Variants in ZFPM2 observed in about 807,000 individuals in gnomAD.
ZFPM2 encodes zinc finger protein, FOG family member 2.
In ZFPM2, 20 loss-of-function variants were observed where a neutral mutation model predicts 98.6. That is an observed-to-expected ratio of 0.20 (90% CI 0.14 to 0.29). The LOEUF (loss-of-function observed/expected upper bound fraction) is 0.29. ZFPM2 is among the 10% of genes least tolerant of loss of function. The pLI, the probability that ZFPM2 is intolerant of heterozygous loss-of-function variation, is 1.00. For synonymous variants in ZFPM2, 518 were observed against 502.7 expected, an observed-to-expected ratio of 1.03 and a Z score of -0.41; for missense variants, 1,310 against 1,388.6, an observed-to-expected ratio of 0.94 and a Z score of 0.90.
chr8:105,766,575 C>T (rs79990750), intron 5 of ZFPM2, among the ~76,000 whole-genome samples: 11 of 151,770 alleles, frequency 7.2e-5, no homozygotes, highest in African/African-American at 2.4e-4. Flanking sequence ...TGATGGGGTC[C>T]GAACTTAAGG....
chr8:105,802,579 A>G lies in ZFPM2; in HGVS notation c.2497A>G (p.Ser833Gly). Residue 833 changes from serine (S) to glycine (G), a missense_variant, in exon 8 of 8, where the codon AGC becomes GGC. By Grantham distance (56) the Ser-to-Gly change is moderately conservative. Coordinates refer to ENST00000407775, the MANE Select transcript of ZFPM2 (RefSeq NM_012082.4). ...AGAGATGGACGTGCCCATAGATCTCAGCAAAAAGTGTTTATCTCAGTCTGA... is the reference window on the plus strand; with the variant it reads ...AGAGATGGACGTGCCCATAGATCTCGGCAAAAAGTGTTTATCTCAGTCTGA... ...CLEMDVPIDLSKKCLSQSERT... is the reference protein window; with the variant it reads ...CLEMDVPIDLGKKCLSQSERT... 6.2e-7 allele frequency: 1 copy of G among 1,610,888 alleles called. No individual in the cohort carries two copies.
At chr8:105,445,955 CTG>C (rs1586378607) in intron 3 of ZFPM2, among the ~76,000 whole-genome samples, 1 of 151,518 alleles carries the variant, frequency 6.6e-6, no homozygotes, top group Non-Finnish European at 1.5e-5. Flanking sequence ...GAGTCTCACT[CTG>C]TCACCCAGGC....
intron 5 of ZFPM2, among the ~76,000 whole-genome samples, chr8:105,770,830 G>T (rs1812963194): frequency 6.6e-6 from 1 of 152,150 alleles, no homozygotes; most frequent in African/African-American, 2.4e-5. Flanking sequence ...TCACAGAGAG[G>T]AAGGTGCAGC....
intron 3 of ZFPM2, among the ~76,000 whole-genome samples, chr8:105,560,885 A>T (rs1815120291): frequency 6.6e-6 from 1 of 152,186 alleles, no homozygotes; most frequent in Non-Finnish European, 1.5e-5. Context: ...GCCTTGCTAT[A>T]TATTGTACAT....
Position 105,647,949 on chromosome 8 carries a change from C to T in ZFPM2, c.532+13592C>T, listed in dbSNP as rs185651665. 4.8e-3 allele frequency among the ~76,000 whole-genome samples: 727 copies of T among 152,254 alleles called. 5 individuals are homozygous for T. The highest frequency in any genetic ancestry group is 0.017 in the African/African-American group (699 of 41,550). ...CTAGTTCTAGATCCTTGAGGAATCA[C>T]CACACTGTCTTTCACAATGGTTGAA... On this transcript the variant is annotated intron_variant, in intron 5 of 7. Coordinates refer to ENST00000407775, the MANE Select transcript of ZFPM2 (RefSeq NM_012082.4).
intron 3 of ZFPM2, among the ~76,000 whole-genome samples, chr8:105,518,911 A>C (rs1343584439): frequency 6.6e-6 from 1 of 152,212 alleles, no homozygotes; most frequent in Non-Finnish European, 1.5e-5. Context: ...ACTAAGGAAA[A>C]AATAGTAAAT....
intron 3 of ZFPM2, among the ~76,000 whole-genome samples, chr8:105,477,084 C>T (rs1231187026): frequency 1.3e-5 from 2 of 152,064 alleles, no homozygotes; most frequent in Non-Finnish European, 2.9e-5. Flanking sequence ...AACTTAGTAA[C>T]ATAGTATTAA....
intron 5 of ZFPM2, among the ~76,000 whole-genome samples, chr8:105,694,333 G>C (rs1446041625): frequency 6.6e-6 from 1 of 151,942 alleles, no homozygotes; most frequent in Non-Finnish European, 1.5e-5. Context: ...GACTCAAATA[G>C]AGTTTTCTGT....
chr8:105,719,320 T>C (rs1315595839), intron 5 of ZFPM2, among the ~76,000 whole-genome samples: 1 of 151,934 alleles, frequency 6.6e-6, no homozygotes, highest in African/African-American at 2.4e-5. Context: ...TTTTCACTCC[T>C]CTTGTAAGTG....
intron 3 of ZFPM2, among the ~76,000 whole-genome samples, chr8:105,482,894 CTTCCTTCT>C (rs1245804957): frequency 1.1e-5 from 1 of 92,444 alleles, no homozygotes; most frequent in Admixed American, 1.3e-4. Flanking sequence ...TCCTTCCTTC[CTTCCTTCT>C]TTCCTTCCTT....
intron 6 of ZFPM2, among the ~76,000 whole-genome samples, chr8:105,792,973 G>C (rs1387669781): frequency 6.6e-6 from 1 of 152,110 alleles, no homozygotes; most frequent in East Asian, 1.9e-4. Context: ...TTGAGCCTGT[G>C]TGTGTCTCTG....
intron 3 of ZFPM2, among the ~76,000 whole-genome samples, chr8:105,543,392 G>A (rs999220961): frequency 6.6e-6 from 1 of 152,134 alleles, no homozygotes; most frequent in Non-Finnish European, 1.5e-5. Context: ...AGGCTGAGGC[G>A]GGAGGATCAC....
chr8:105,692,689 A>G (rs1554573429), intron 5 of ZFPM2, among the ~76,000 whole-genome samples: 1 of 152,220 alleles, frequency 6.6e-6, no homozygotes, highest in Non-Finnish European at 1.5e-5. Flanking sequence ...CCAGATAGGT[A>G]CCATGCTCAT....
intron 3 of ZFPM2, among the ~76,000 whole-genome samples, chr8:105,461,152 A>G (rs1812697805): frequency 1.3e-5 from 2 of 152,160 alleles, no homozygotes; most frequent in South Asian, 4.1e-4. Context: ...TTTCATGTCA[A>G]TAATTCATGA....
At chr8:105,465,279 T>C (rs935048620) in intron 3 of ZFPM2, among the ~76,000 whole-genome samples, 1 of 152,030 alleles carries the variant, frequency 6.6e-6, no homozygotes, top group African/African-American at 2.4e-5. Context: ...AAATACAGAA[T>C]TATAAAACAA....
intron 5 of ZFPM2, among the ~76,000 whole-genome samples, chr8:105,726,108 G>T (rs547746776): frequency 6.6e-6 from 1 of 151,720 alleles, no homozygotes; most frequent in Non-Finnish European, 1.5e-5. Context: ...TATGATTTCA[G>T]TGGCCTTTCA....
At chr8:105,681,704 C>G (rs1240383806) in intron 5 of ZFPM2, among the ~76,000 whole-genome samples, 2 of 152,092 alleles carry the variant, frequency 1.3e-5, no homozygotes, top group African/African-American at 4.8e-5. Context: ...CCTCTCTGGT[C>G]CCTTCCTTTT....
At chr8:105,393,337 C>CTTTCCTTCTTT (rs1554600680) in intron 1 of ZFPM2, among the ~76,000 whole-genome samples, 1 of 114,776 alleles carries the variant, frequency 8.7e-6, no homozygotes, top group South Asian at 3.3e-4. Context: ...TCTCTCTTTG[C>CTTTCCTTCTTT]CTTTCTTTCT....
At chr8:105,400,718 C>G (rs1811323246) in intron 1 of ZFPM2, among the ~76,000 whole-genome samples, 1 of 151,908 alleles carries the variant, frequency 6.6e-6, no homozygotes, top group Non-Finnish European at 1.5e-5. Flanking sequence ...ACTTTTTATT[C>G]CGTACATGCT....
Sources: allele counts gnomAD v4.1 joint callset (sites outside exome capture counted in the v4.1 genomes callset), GRCh38; gene constraint gnomAD v4.1.1; transcripts MANE v1.5; gene names NCBI Gene and HGNC (gene_info 2026-07-23, HGNC 2026-07-21).